DKKL1: variants seen among roughly 807,000 people sequenced by gnomAD.
The protein encoded by DKKL1 is dickkopf like acrosomal protein 1.
In DKKL1, 11 loss-of-function variants were observed where a neutral mutation model predicts 16.5. The observed-to-expected ratio is 0.67, with a 90% confidence interval of 0.42 to 1.10. The LOEUF (loss-of-function observed/expected upper bound fraction) is 1.10. Ranked by LOEUF, DKKL1 falls within the 50% of genes least tolerant of loss-of-function variation. The pLI, the probability that DKKL1 is intolerant of heterozygous loss-of-function variation, is 0.00. For synonymous variants in DKKL1, 119 were observed against 133.2 expected (o/e 0.89, Z 0.73); for missense variants, 320 against 308.1 (o/e 1.04, Z -0.29).
At chr19:49,369,447 T>C (rs1973387437) in intron 4 of DKKL1, 1 of 152,206 alleles carries the variant, frequency 6.6e-6, no homozygotes, top group Non-Finnish European at 1.5e-5. Flanking sequence ...AGTGCTGGGA[T>C]TACAGGCAAG....
At position 49,364,564 on chromosome 19, in the gene DKKL1, C is replaced by CCCCGA; in HGVS notation, c.11-14_11-10dup. ...GCGTGGCCACTGTGCGGGGCTCTGACCCCGACCCTTGCCACAGCCTCCCCA... is the reference window on the plus strand; with the variant it reads ...GCGTGGCCACTGTGCGGGGCTCTGACCCCGACCCGACCCTTGCCACAGCCTCCCCA... On this transcript the variant is annotated splice_polypyrimidine_tract_variant and intron_variant, in intron 1 of 4. Coordinates refer to ENST00000221498, the MANE Select transcript of DKKL1 (RefSeq NM_014419.4). The CCCCGA allele has an allele frequency of 6.2e-7, 1 of 1,602,618 alleles. No individual in the cohort carries two copies. The highest frequency in any genetic ancestry group is 8.5e-7 in the Non-Finnish European group (1 of 1,175,012).
At chr19:49,366,687 T>TG (rs2146771591) in intron 4 of DKKL1, among the ~76,000 whole-genome samples, 1 of 147,574 alleles carries the variant, frequency 6.8e-6, no homozygotes, top group East Asian at 2.0e-4. Flanking sequence ...TTTTGATTTT[T>TG]GGGGTTTTTT....
At chr19:49,365,276 G>A (rs1288061080) in intron 2 of DKKL1, among the ~76,000 whole-genome samples, 2 of 152,134 alleles carry the variant, frequency 1.3e-5, no homozygotes, top group Non-Finnish European at 2.9e-5. Flanking sequence ...GGAGGAGAGG[G>A]GGATGGGGAC....
upstream of DKKL1, chr19:49,363,773 T>G: frequency 1.6e-6 from 1 of 612,780 alleles, no homozygotes. Flanking sequence ...GGCGTGGTCA[T>G]GGAGTAGAGG....
At chr19:49,363,820 T>C, upstream of DKKL1, 2 of 863,656 alleles carry the variant, frequency 2.3e-6, no homozygotes, top group African/African-American at 1.7e-5. Context: ...GTTTGGAGCG[T>C]GGTCAGACAA....
intron 4 of DKKL1, among the ~76,000 whole-genome samples, chr19:49,368,019 A>C (rs188216218): frequency 1.3e-4 from 20 of 152,216 alleles, no homozygotes; most frequent in African/African-American, 3.6e-4. Flanking sequence ...CTACAAAAAA[A>C]TTTAAAAAGT....
chr19:49,371,077 G>A (rs1314641944), intron 4 of DKKL1: 1 of 152,206 alleles, frequency 6.6e-6, no homozygotes. Flanking sequence ...CAATCATGCA[G>A]ATGACCATCA....
rs576015512 is a variant in DKKL1, at chr19:49,367,685, C to T, written c.417+1800C>T. Among the ~76,000 whole-genome samples, 224 of 152,214 alleles carry T rather than the reference C, an allele frequency of 1.5e-3. 1 individual carries two copies. The highest frequency in any genetic ancestry group is 5.1e-3 in the African/African-American group (213 of 41,530). ...CCTCCCAAGGTGCTGGGATTATAGG[C>T]GTGAGCCACCATGCCTGGCCAGGCC... On this transcript the variant is annotated intron_variant, in intron 4 of 4. Coordinates refer to ENST00000221498, the MANE Select transcript of DKKL1 (RefSeq NM_014419.4).
At chr19:49,370,809 G>C (rs1195506582) in intron 4 of DKKL1, 1 of 152,226 alleles carries the variant, frequency 6.6e-6, no homozygotes, top group Non-Finnish European at 1.5e-5. Context: ...TGGCGGGGAT[G>C]GTGATCAGTG....
Position 49,374,965 on chromosome 19 carries a change from C to G in DKKL1, c.666C>G (p.His222Gln). The G allele has an allele frequency of 6.2e-7, 1 of 1,613,638 alleles. No homozygotes were observed. Among genetic ancestry groups the G allele is most frequent in the Non-Finnish European group, 8.5e-7 (1 of 1,179,842 alleles). Residue 222 changes from histidine to glutamine, a missense_variant, in exon 5 of 5, where the codon CAC (histidine) becomes CAG (glutamine). Transcript: ENST00000221498. ...VLEEGTESSS[H>Q]SRLSPRKTHL... ...AAGAGGGGACCGAGAGCTCCTCCCA[C>G]TCCAGGCTGTCCCCCCGAAAGACCC...
At chr19:49,367,115 C>T (rs1973282832) in intron 4 of DKKL1, among the ~76,000 whole-genome samples, 1 of 152,100 alleles carries the variant, frequency 6.6e-6, no homozygotes, top group Non-Finnish European at 1.5e-5. Flanking sequence ...CAACCTCCGC[C>T]ACTGAGGTTC....
rs1973657406 is a variant in DKKL1 at position 49,374,793 on chromosome 19, C to T, written c.494C>T (p.Pro165Leu). ...ATDSFHTELH[P>L]RVAFWIIKLP... The stretch of plus-strand genomic sequence containing the variant: ...GACAGCTTCCACACAGAACTCCATC[C>T]CCGGGTGGCCTTCTGGATCATTAAG... The change falls in exon 5 of 5, where the codon CCC (proline) becomes CTC (leucine). Residue 165 changes from proline to leucine, a missense_variant. By Grantham distance (98) the Pro-to-Leu change is moderately conservative. Coordinates refer to ENST00000221498, the MANE Select transcript of DKKL1 (RefSeq NM_014419.4). 1 of 1,611,684 alleles carries T rather than the reference C, an allele frequency of 6.2e-7. No homozygotes were observed.
upstream of DKKL1, among the ~76,000 whole-genome samples, chr19:49,362,672 G>C (rs1973040048): frequency 1.3e-5 from 2 of 151,844 alleles, no homozygotes; most frequent in South Asian, 4.2e-4. Context: ...CCCCTGATCT[G>C]AGGGAGGAGA....
chr19:49,372,962 T>C lies in DKKL1; in HGVS notation c.418-1755T>C, dbSNP rs367680773. 1.3e-4 allele frequency among the ~76,000 whole-genome samples: 20 copies of C among 149,274 alleles called. No individual in the cohort carries two copies. In the South Asian group the frequency reaches 4.1e-3, roughly 30 times the overall value. On this transcript the variant is annotated intron_variant, in intron 4 of 4. Transcript: ENST00000221498. ...GTCGCGGTGAGCGAAGATAGCACCATTGCACTACAGCCTGGGCAACAAGAG... is the reference window on the plus strand; with the variant it reads ...GTCGCGGTGAGCGAAGATAGCACCACTGCACTACAGCCTGGGCAACAAGAG...
chr19:49,365,598 G>A lies in DKKL1; in HGVS notation c.273G>A (p.Gln91=). 2 of 1,613,932 alleles carry A rather than the reference G, an allele frequency of 1.2e-6. No homozygotes were observed. Among genetic ancestry groups the A allele is most frequent in the Non-Finnish European group, 1.7e-6 (2 of 1,179,900 alleles). The stretch of plus-strand genomic sequence containing the variant: ...GGAACTACCACAAAGAGGAGAACCA[G>A]GAGCACCAGCTGGGGAACAACACCC... ...LPGNYHKEEN[Q]EHQLGNNTLS... is the part of the protein sequence containing the mutation. Residue 91 remains glutamine, a synonymous_variant, in exon 3 of 5, where the codon CAG becomes CAA. Transcript: ENST00000221498.
At chr19:49,363,555 A>T (rs1243249168), upstream of DKKL1, 4 of 323,084 alleles carry the variant, frequency 1.2e-5, no homozygotes, top group Admixed American at 8.9e-5. Context: ...CTTTCAGCCA[A>T]GGGGCGTGGC....
chr19:49,361,908 T>C (rs1235896438), upstream of DKKL1: 2 of 151,876 alleles, frequency 1.3e-5, no homozygotes, highest in African/African-American at 2.4e-5. Context: ...TGGAGCCGGG[T>C]AAGAAAGGTC....
At chr19:49,370,137 GAA>G (rs1973419443) in intron 4 of DKKL1, 1 of 152,262 alleles carries the variant, frequency 6.6e-6, no homozygotes, top group South Asian at 2.1e-4. Context: ...CCAAGCCAGT[GAA>G]AGCTCAGATG....
At chr19:49,365,201 A>G (rs1315314616) in intron 2 of DKKL1, among the ~76,000 whole-genome samples, 3 of 147,148 alleles carry the variant, frequency 2.0e-5, no homozygotes. Context: ...CATAAATAAG[A>G]GAGGAAAGGT....
Sources: allele counts gnomAD v4.1 joint callset (sites outside exome capture counted in the v4.1 genomes callset), GRCh38; gene constraint gnomAD v4.1.1; transcripts MANE v1.5; gene names NCBI Gene and HGNC (gene_info 2026-07-23, HGNC 2026-07-21).